The following SRGAP2 variants were observed in gnomAD, a reference collection of about 807,000 sequenced individuals.
SRGAP2 encodes SLIT-ROBO Rho GTPase activating protein 2.
SRGAP2 carries 15 observed loss-of-function variants against 57.2 expected under a neutral mutation model. The ratio of observed to expected loss-of-function variants is 0.26; its 90% CI spans 0.18 to 0.40. The LOEUF is 0.40. Among genes scored for constraint, SRGAP2 ranks in the 10% least tolerant of loss-of-function variants. The pLI, the probability that SRGAP2 is intolerant of heterozygous loss-of-function variation, is 1.00. For missense variants in SRGAP2, 520 were observed against 669.6 expected, an observed-to-expected ratio of 0.78 and a Z score of 2.47; for synonymous variants, 249 against 248.0, an observed-to-expected ratio of 1.00 and a Z score of -0.04.
intron 2 of SRGAP2, among the ~76,000 whole-genome samples, chr1:206,212,293 C>T: frequency 7.2e-6 from 1 of 139,332 alleles, no homozygotes; most frequent in Non-Finnish European, 1.6e-5. Flanking sequence ...GATCCTCCCA[C>T]CTCAGCCTCC....
intron 4 of SRGAP2, among the ~76,000 whole-genome samples, chr1:206,365,473 G>C (rs1292243331): frequency 1.3e-5 from 2 of 151,966 alleles, no homozygotes; most frequent in Non-Finnish European, 2.9e-5. Context: ...GGTCATGACA[G>C]TTGGATCTGT....
At chr1:206,434,861 C>T (rs982178844) in intron 14 of SRGAP2, among the ~76,000 whole-genome samples, 3 of 152,220 alleles carry the variant, frequency 2.0e-5, no homozygotes, top group Admixed American at 6.5e-5. Flanking sequence ...TGATGACGCT[C>T]TTTCAAGAAT....
intron 22 of SRGAP2, among the ~76,000 whole-genome samples, chr1:206,460,155 T>C (rs2103422648): frequency 6.6e-6 from 1 of 152,332 alleles, no homozygotes. Context: ...GCTTGGAATG[T>C]GTAAAATCTT....
chr1:206,290,499 C>T lies in SRGAP2; in HGVS notation c.68-12782C>T, dbSNP rs1409992191. Among the ~76,000 whole-genome samples, 589 of 151,338 alleles carry T rather than the reference C, an allele frequency of 3.9e-3. 2 individuals carry two copies. The highest frequency in any genetic ancestry group is 0.013 in the African/African-American group (555 of 41,232). ...TTGTCTCTATACAAAAAAATTGGCC[C>T]GGCGTGGTGGCAGGTGCCTGTAATC... is the stretch of plus-strand genomic sequence containing the variant. On this transcript the variant is annotated intron_variant, in intron 2 of 22. Transcript: ENST00000573034.
At chr1:206,369,714 G>A (rs1269254077) in intron 4 of SRGAP2, among the ~76,000 whole-genome samples, 1 of 151,018 alleles carries the variant, frequency 6.6e-6, no homozygotes, top group Non-Finnish European at 1.5e-5. Flanking sequence ...ACACCCACTA[G>A]GATAGCTATA....
rs782590374 is a variant in SRGAP2, at chr1:206,463,576, C to T, written c.*2156C>T. On this transcript the variant is annotated 3_prime_UTR_variant, in exon 23 of 23. Coordinates refer to ENST00000573034, the MANE Select transcript of SRGAP2 (RefSeq NM_015326.5). ...AACACTTTGGGCCTGTTCTGTTGCT[C>T]CTGCCTTATTTCTCTTTCAACCCTG... 2.6e-5 allele frequency: 4 copies of T among 152,642 alleles called. No individual in the cohort carries two copies. Among genetic ancestry groups the T allele is most frequent in the Non-Finnish European group, 4.4e-5 (3 of 68,068 alleles). The allele number at this position is 152,642 out of a possible 1,614,324, so 9.5% of individuals were successfully genotyped here.
chr1:206,204,911 C>T (rs113244251), intron 1 of SRGAP2: 46 of 135,658 alleles, frequency 3.4e-4, no homozygotes, highest in African/African-American at 1.4e-3. Context: ...AGATTTGCCC[C>T]CCCCCCCATC....
intron 10 of SRGAP2, chr1:206,408,050 TATTA>T (rs1658849407): frequency 6.9e-6 from 1 of 144,368 alleles, no homozygotes; most frequent in Non-Finnish European, 1.5e-5. Flanking sequence ...TTAATTTATT[TATTA>T]ATCATTATTA....
intron 2 of SRGAP2, among the ~76,000 whole-genome samples, chr1:206,268,099 A>G (rs1407653575): frequency 6.6e-6 from 1 of 150,886 alleles, no homozygotes; most frequent in African/African-American, 2.4e-5. Flanking sequence ...TTTTTTTTAA[A>G]TTATACTTTA....
intron 2 of SRGAP2, among the ~76,000 whole-genome samples, chr1:206,268,352 C>G (rs1215516775): frequency 7.0e-6 from 1 of 142,016 alleles, no homozygotes; most frequent in Non-Finnish European, 1.5e-5. Flanking sequence ...TTTTTTTTTC[C>G]TTGCGATAGT....
intron 5 of SRGAP2, among the ~76,000 whole-genome samples, chr1:206,392,175 G>A (rs1313289679): frequency 2.0e-5 from 3 of 151,428 alleles, no homozygotes; most frequent in African/African-American, 7.3e-5. Flanking sequence ...TCCCCAGAAT[G>A]CCAGGCCGGT....
chr1:206,319,347 C>A (rs1379622643), intron 3 of SRGAP2, among the ~76,000 whole-genome samples: 2 of 151,236 alleles, frequency 1.3e-5, no homozygotes, highest in Non-Finnish European at 2.9e-5. Flanking sequence ...GGAGGCGGAG[C>A]TTTCAGTGAG....
rs1389795353 is a variant in SRGAP2 at position 206,464,344 on chromosome 1, C to G, written c.*2924C>G. The stretch of plus-strand genomic sequence containing the variant: ...AATATTGTATGTATGCTTGGAGATG[C>G]TTTGTGTGAACCTAAGACTGTCACT... On this transcript the variant is annotated 3_prime_UTR_variant, in exon 23 of 23. Transcript: ENST00000573034. The G allele has an allele frequency of 2.6e-5, 4 of 152,606 alleles. No individual in the cohort carries two copies. The highest frequency in any genetic ancestry group is 7.2e-5 in the African/African-American group (3 of 41,416). The allele number at this position is 152,606 out of a possible 1,614,324, so 9.5% of individuals were successfully genotyped here. A position where few individuals can be genotyped will look rare whatever the true frequency, so the allele number is the denominator to read the frequency against.
In SRGAP2 at chr1:206,419,396, G is replaced by A. The variant is rs782388736; in HGVS notation, c.1465G>A (p.Ala489Thr). Residue 489 changes from alanine to threonine, a missense_variant, in exon 12 of 23, where the codon GCC becomes ACC. Ala to Thr is a moderately conservative substitution (Grantham distance 58). This residue lies in a region of SRGAP2 where 478 missense variants were observed against 373.6 expected (regional missense o/e 1.28). Coordinates refer to ENST00000573034, the MANE Select transcript of SRGAP2 (RefSeq NM_015326.5). ...AGGTCAGCGGACAGATTGCAGTCTAGCCAGGTGAGTGTGGCCTGGGACAGG... is the reference window on the plus strand; with the variant it reads ...AGGTCAGCGGACAGATTGCAGTCTAACCAGGTGAGTGTGGCCTGGGACAGG... The part of the protein sequence containing the change: ...GESQRTDCSL[A>T]RRSSTVRKQD... 2.6e-6 allele frequency: 2 copies of A among 780,872 alleles called. No individual in the cohort carries two copies. Among genetic ancestry groups the A allele is most frequent in the Non-Finnish European group, 4.8e-6 (2 of 417,942 alleles). The allele number at this position is 780,872 out of a possible 1,614,324, so 48.4% of individuals were successfully genotyped here. A position where few individuals can be genotyped will look rare whatever the true frequency, so the allele number is the denominator to read the frequency against.
Position 206,454,976 on chromosome 1 carries a change from G to C in SRGAP2, c.2459G>C (p.Cys820Ser), listed in dbSNP as rs932553630. 1 of 780,926 alleles carries C rather than the reference G, an allele frequency of 1.3e-6. No individual in the cohort carries two copies. Among genetic ancestry groups the C allele is most frequent in the Non-Finnish European group, 2.4e-6 (1 of 418,000 alleles). 48.4% of individuals were successfully genotyped at this position (780,926 alleles called of 1,614,324 possible). A position where few individuals can be genotyped will look rare whatever the true frequency, so the allele number is the denominator to read the frequency against. ...GTGACAGCCAGAGCGGGGGCCAGCT[G>C]TCCCAGTGGGGGTCATGTAGCCGAT... ...EKVTARAGASCPSGGHVADIY... is the reference protein window; with the variant it reads ...EKVTARAGASSPSGGHVADIY... Residue 820 changes from cysteine to serine, a missense_variant, in exon 21 of 23, where the codon TGT (cysteine) becomes TCT (serine). This residue lies in a region of SRGAP2 where 478 missense variants were observed against 373.6 expected (regional missense o/e 1.28). Transcript: ENST00000573034. The surrounding 1 kb of genome is among the most constrained non-coding windows in gnomAD (Gnocchi z 4.3).
intron 3 of SRGAP2, among the ~76,000 whole-genome samples, chr1:206,334,724 C>T (rs1427950295): frequency 6.6e-6 from 1 of 152,086 alleles, no homozygotes; most frequent in Non-Finnish European, 1.5e-5. Context: ...TGAGTGACGT[C>T]ATTCCACTTT....
At chr1:206,333,919 G>A (rs556971670) in intron 3 of SRGAP2, among the ~76,000 whole-genome samples, 2 of 152,152 alleles carry the variant, frequency 1.3e-5, no homozygotes, top group Admixed American at 1.3e-4. Context: ...AATTGACTAG[G>A]GCTTCTCTTA....
At position 206,446,141 on chromosome 1, in the gene SRGAP2, G is replaced by A. The variant is rs201768482; in HGVS notation, c.1941G>A (p.Ser647=). 6.1e-5 allele frequency: 48 copies of A among 780,872 alleles called. No homozygotes were observed. The Middle Eastern group carries it at 1.4e-3, about 22-fold the overall frequency. 48.4% of individuals were successfully genotyped at this position (780,872 alleles called of 1,614,324 possible). Reference sequence around the variant, plus strand: ...ACCTCGCCATCTGCTTCGGGCCCTCGCTAATGTCAGTGCCAGAGGGCCACG... The same window carrying A: ...ACCTCGCCATCTGCTTCGGGCCCTCACTAATGTCAGTGCCAGAGGGCCACG... ...PYNLAICFGP[S]LMSVPEGHDQ... is the part of the protein sequence containing the mutation. The change falls in exon 18 of 23, where the codon TCG becomes TCA. Residue 647 remains serine, a synonymous_variant. Transcript: ENST00000573034.
intron 2 of SRGAP2, among the ~76,000 whole-genome samples, chr1:206,259,388 G>A (rs1468542251): frequency 6.7e-6 from 1 of 148,820 alleles, no homozygotes; most frequent in African/African-American, 2.5e-5. Flanking sequence ...CCAGGCTGGA[G>A]TGTGATGGCA....
Sources: allele counts gnomAD v4.1 joint callset (sites outside exome capture counted in the v4.1 genomes callset), GRCh38; gene constraint gnomAD v4.1.1; regional missense constraint gnomAD v4.1.1; non-coding constraint Gnocchi (gnomAD v3.1); transcripts MANE v1.5; gene names NCBI Gene and HGNC (gene_info 2026-07-23, HGNC 2026-07-21).